Variants in ERP44 observed in about 807,000 individuals in gnomAD.
ERP44 encodes endoplasmic reticulum resident protein 44.
A neutral mutation model predicts 53.4 loss-of-function variants in ERP44; 25 were observed. That is an observed-to-expected ratio of 0.47 (90% CI 0.34 to 0.65). The LOEUF (loss-of-function observed/expected upper bound fraction) is 0.65, where lower values mean the gene tolerates loss of function less well. Ranked by LOEUF, ERP44 falls within the 30% of genes least tolerant of loss-of-function variation. ERP44 has a pLI of 0.01. For synonymous variants in ERP44, 145 were observed against 161.2 expected (o/e 0.90, Z 0.76); for missense variants, 338 against 493.2 (o/e 0.69, Z 2.98).
At chr9:100,067,243 G>C (rs557318412) in intron 1 of ERP44, among the ~76,000 whole-genome samples, 1 of 152,008 alleles carries the variant, frequency 6.6e-6, no homozygotes, top group East Asian at 1.9e-4. Flanking sequence ...GATGCCGAGC[G>C]GAAGCTGGAC....
At chr9:100,089,398 T>C (rs540779368) in intron 1 of ERP44, among the ~76,000 whole-genome samples, 1 of 152,176 alleles carries the variant, frequency 6.6e-6, no homozygotes, top group Non-Finnish European at 1.5e-5. Context: ...CAAGCCAGCA[T>C]GGCAAAACCC....
chr9:99,982,792 ATAG>A (rs1486303029), intron 11 of ERP44, 79 bp from the exon 12 acceptor site: 2 of 721,590 alleles, frequency 2.8e-6, no homozygotes, highest in African/African-American at 1.8e-5. Context: ...TATTCGATGA[ATAG>A]TAGTTCCCCT....
In ERP44 at chr9:100,022,138, A is replaced by C; in HGVS notation, c.375T>G (p.Gly125=). ...CTGCCAATGCTTTCACTGATCGCTGACCCCTGTATTCTCTCTTCATCATCA... is the reference window on the plus strand; with the variant it reads ...CTGCCAATGCTTTCACTGATCGCTGCCCCCTGTATTCTCTCTTCATCATCA... ...NGMMMKREYR[G]QRSVKALADY... The change falls in exon 5 of 12, where the codon GGT becomes GGG. Residue 125 remains glycine, a synonymous_variant. Transcript: ENST00000262455. 1 of 1,613,818 alleles carries C rather than the reference A, an allele frequency of 6.2e-7. No homozygotes were observed. Among genetic ancestry groups the C allele is most frequent in the South Asian group, 1.1e-5 (1 of 91,058 alleles).
In ERP44 at chr9:100,056,697, C is replaced by T. The variant is rs186540727; in HGVS notation, c.170+1123G>A. Among the ~76,000 whole-genome samples the T allele has an allele frequency of 1.7e-4, 26 of 151,900 alleles. 1 individual carries two copies. The East Asian group carries it at 4.1e-3, about 24-fold the overall frequency. On this transcript the variant is annotated intron_variant, in intron 3 of 11. Transcript: ENST00000262455. ...GAACTTAACTAAGTAAAGAAGTGGG[C>T]GACAGAAGAATGATCCATCCAGGCA...
At chr9:100,008,802 T>A (rs1830443578) in intron 8 of ERP44, among the ~76,000 whole-genome samples, 1 of 152,188 alleles carries the variant, frequency 6.6e-6, no homozygotes, top group African/African-American at 2.4e-5. Context: ...TCTCACTGTG[T>A]CGCCCAGGCT....
At chr9:100,062,282 C>A (rs1159692235) in intron 1 of ERP44, among the ~76,000 whole-genome samples, 3 of 152,144 alleles carry the variant, frequency 2.0e-5, no homozygotes, top group Non-Finnish European at 4.4e-5. Flanking sequence ...GTATGCTTTT[C>A]TCTTGTTAAT....
At chr9:100,067,248 C>A (rs1209853548) in intron 1 of ERP44, among the ~76,000 whole-genome samples, 1 of 152,220 alleles carries the variant, frequency 6.6e-6, no homozygotes, top group Non-Finnish European at 1.5e-5. Context: ...CGAGCGGAAG[C>A]TGGACTGTAC....
At chr9:100,032,021 A>G (rs2118672928) in intron 4 of ERP44, among the ~76,000 whole-genome samples, 1 of 152,236 alleles carries the variant, frequency 6.6e-6, no homozygotes, top group South Asian at 2.1e-4. Context: ...GCACTTTTGG[A>G]TTAGAGAAGC....
At chr9:100,053,726 A>G (rs1321333609) in intron 3 of ERP44, among the ~76,000 whole-genome samples, 1 of 152,214 alleles carries the variant, frequency 6.6e-6, no homozygotes, top group African/African-American at 2.4e-5. Flanking sequence ...ACTATGTTCT[A>G]GGTAATTAAA....
At chr9:100,020,276 CAG>C (rs2118653039) in intron 6 of ERP44, among the ~76,000 whole-genome samples, 1 of 152,288 alleles carries the variant, frequency 6.6e-6, no homozygotes, top group South Asian at 2.1e-4. Context: ...ACAAGAAAGA[CAG>C]TGTGTTGTTT....
At chr9:100,031,842 A>T (rs1825794078) in intron 4 of ERP44, among the ~76,000 whole-genome samples, 1 of 152,214 alleles carries the variant, frequency 6.6e-6, no homozygotes, top group Admixed American at 6.5e-5. Flanking sequence ...GAAATTAGAA[A>T]TAGCTAAGAT....
intron 4 of ERP44, among the ~76,000 whole-genome samples, chr9:100,046,516 C>G (rs1393583841): frequency 6.6e-6 from 1 of 151,940 alleles, no homozygotes; most frequent in African/African-American, 2.4e-5. Context: ...GTATCATTTA[C>G]AATAGCATCA....
chr9:100,057,291 G>T (rs1303026040), intron 3 of ERP44, among the ~76,000 whole-genome samples: 1 of 152,146 alleles, frequency 6.6e-6, no homozygotes, highest in Non-Finnish European at 1.5e-5. Flanking sequence ...TGTTCTAGAT[G>T]CTGGGAATAC....
At chr9:100,098,646 G>A (rs6479001) in intron 1 of ERP44, 138 bp downstream of exon 1, 405,207 of 639,534 alleles carry the variant, frequency 0.63, 133,241 homozygotes, top group East Asian at 0.93. Context: ...GCGAGAGTGA[G>A]GGCAGCGGGG....
At chr9:100,098,470 G>A (rs984035059) in intron 1 of ERP44, among the ~76,000 whole-genome samples, 4 of 152,222 alleles carry the variant, frequency 2.6e-5, no homozygotes, top group Admixed American at 6.5e-5. Flanking sequence ...TCCGATTCAA[G>A]CTACCACCAG....
rs1420744761 is a variant in ERP44, at chr9:100,018,114, A to AG, written c.645+141dup. The AG allele has an allele frequency of 4.7e-6, 3 of 643,214 alleles. No individual in the cohort carries two copies. The East Asian group carries it at 8.2e-5, about 18-fold the overall frequency. 39.8% of individuals were successfully genotyped at this position (643,214 alleles called of 1,614,324 possible). On this transcript the variant is annotated intron_variant, in intron 7 of 11. Transcript: ENST00000262455. The stretch of plus-strand genomic sequence containing the variant: ...GTCCCACCTTCATTTTGAAGGGTTT[A>AG]GATCAGCACAAGATGATGCTTCAAA...
In ERP44 at chr9:99,991,774, C is replaced by A. The variant is rs1422686135; in HGVS notation, c.1017-6705G>T. ...CAAAATTGATAGACTGCTAGCAAGA[C>A]TAATAAAGAAGAAAAGAGAGAAGAA... On this transcript the variant is annotated intron_variant, in intron 10 of 11. Coordinates refer to ENST00000262455, the MANE Select transcript of ERP44 (RefSeq NM_015051.3). 4.0e-5 allele frequency among the ~76,000 whole-genome samples: 6 copies of A among 151,750 alleles called. No individual in the cohort carries two copies. In the South Asian group the frequency reaches 1.2e-3, roughly 32 times the overall value.
At chr9:100,007,751 T>C in intron 8 of ERP44, 62 bp from the exon 9 acceptor site, 1 of 931,130 alleles carries the variant, frequency 1.1e-6, no homozygotes, top group Non-Finnish European at 1.8e-6. Context: ...AGCTATTTTC[T>C]AGGTAGGAAC....
chr9:100,057,736 GC>G, intron 3 of ERP44, 83 bp downstream of exon 3: 3 of 964,218 alleles, frequency 3.1e-6, no homozygotes, highest in Non-Finnish European at 4.9e-6. Flanking sequence ...AATAGAAAAA[GC>G]CTTCCCTTCC....
Sources: allele counts gnomAD v4.1 joint callset (sites outside exome capture counted in the v4.1 genomes callset), GRCh38; gene constraint gnomAD v4.1.1; transcripts MANE v1.5; gene names NCBI Gene and HGNC (gene_info 2026-07-23, HGNC 2026-07-21).